The following DMD variants were observed in gnomAD, a reference collection of about 807,000 sequenced individuals.
The protein encoded by DMD is mutant dystrophin.
A neutral mutation model predicts 330.1 loss-of-function variants in DMD; 63 were observed. That is an observed-to-expected ratio of 0.19 (90% confidence interval 0.16 to 0.24). DMD has a LOEUF of 0.24. DMD is among the 10% of genes least tolerant of loss of function. DMD has a pLI of 1.00. For missense variants in DMD, 3,344 were observed against 2,684.1 expected (o/e 1.25, Z -5.43); for synonymous variants, 1,223 against 959.8 (o/e 1.27, Z -5.07).
At chrX:32,794,800 G>A (rs1188542910) in intron 7 of DMD, among the ~76,000 whole-genome samples, 2 of 111,669 alleles carry the variant, frequency 1.8e-5, no homozygotes, top group African/African-American at 3.3e-5. Context: ...TCTCAGATCT[G>A]ATAAATAAAT....
intron 55 of DMD, among the ~76,000 whole-genome samples, chrX:31,586,040 T>A (rs2076588650): frequency 9.0e-6 from 1 of 111,557 alleles, no homozygotes; most frequent in South Asian, 3.8e-4. Flanking sequence ...TCCTACCCTA[T>A]CTGTAACTGA....
intron 44 of DMD, among the ~76,000 whole-genome samples, chrX:32,124,223 G>A (rs983299603): frequency 4.5e-5 from 5 of 112,310 alleles, no homozygotes; most frequent in Non-Finnish European, 7.5e-5. Flanking sequence ...ATACCTCTAC[G>A]AAGTTGGCTT....
At chrX:32,135,555 T>C (rs1401206507) in intron 44 of DMD, among the ~76,000 whole-genome samples, 1 of 109,645 alleles carries the variant, frequency 9.1e-6, no homozygotes, top group East Asian at 2.9e-4. Flanking sequence ...ACACCATCTC[T>C]AAAAAAAAAT....
At chrX:31,231,274 T>A (rs1324802936) in intron 63 of DMD, among the ~76,000 whole-genome samples, 1 of 110,947 alleles carries the variant, frequency 9.0e-6, no homozygotes, top group Admixed American at 9.6e-5. Flanking sequence ...ACATATATTA[T>A]TTTAAATACA....
At chrX:32,538,309 T>C (rs2048179587) in intron 17 of DMD, among the ~76,000 whole-genome samples, 1 of 111,634 alleles carries the variant, frequency 9.0e-6, no homozygotes, top group Non-Finnish European at 1.9e-5. Context: ...GTGATTTGTT[T>C]TTGCCCCACC....
intron 63 of DMD, among the ~76,000 whole-genome samples, chrX:31,245,714 C>T: frequency 9.0e-6 from 1 of 111,215 alleles, no homozygotes; most frequent in Middle Eastern, 4.6e-3. Flanking sequence ...GTTGATGTTA[C>T]TACTGAAATT....
chrX:33,324,066 AT>A (rs1452985088), intron 1 of DMD, among the ~76,000 whole-genome samples: 1 of 111,449 alleles, frequency 9.0e-6, no homozygotes, highest in Non-Finnish European at 1.9e-5. Flanking sequence ...TCAGAAAAAA[AT>A]GATTATATAT....
intron 47 of DMD, among the ~76,000 whole-genome samples, chrX:31,892,808 T>C (rs1305307932): frequency 1.8e-5 from 2 of 112,235 alleles, no homozygotes. Flanking sequence ...CCAGTGTATA[T>C]ATAGTTTATC....
intron 20 of DMD, among the ~76,000 whole-genome samples, chrX:32,485,738 T>TTTTTTTTTTC: frequency 3.2e-5 from 2 of 62,206 alleles, no homozygotes; most frequent in Non-Finnish European, 5.6e-5. Flanking sequence ...CCACTGCTTT[T>TTTTTTTTTTC]TTTTTTTTTT....
intron 62 of DMD, among the ~76,000 whole-genome samples, chrX:31,299,478 C>T (rs777498346): frequency 5.4e-5 from 6 of 111,606 alleles, no homozygotes; most frequent in African/African-American, 1.6e-4. Context: ...ACTAATTGTT[C>T]GTTTAGAAAA....
chrX:31,858,941 C>A (rs2093657664), intron 48 of DMD, among the ~76,000 whole-genome samples: 1 of 111,844 alleles, frequency 8.9e-6, no homozygotes, highest in African/African-American at 3.2e-5. Flanking sequence ...TGGATAATCA[C>A]GCTTGTTTTT....
intron 1 of DMD, among the ~76,000 whole-genome samples, chrX:33,086,859 GT>G (rs1382129543): frequency 1.8e-5 from 2 of 109,253 alleles, no homozygotes; most frequent in Non-Finnish European, 3.8e-5. Flanking sequence ...AGGGGGTTTT[GT>G]TTGTCCAATA....
intron 2 of DMD, among the ~76,000 whole-genome samples, chrX:32,952,200 C>T (rs1248010098): frequency 9.2e-6 from 1 of 109,230 alleles, no homozygotes; most frequent in African/African-American, 3.3e-5. Context: ...GTGGCACAAT[C>T]GCGGTTCACT....
intron 52 of DMD, among the ~76,000 whole-genome samples, chrX:31,680,682 T>C (rs943422952): frequency 9.0e-6 from 1 of 111,077 alleles, no homozygotes; most frequent in African/African-American, 3.3e-5. Context: ...CTGGCCAACT[T>C]CTTTTAACAA....
chrX:32,206,835 C>T, intron 44 of DMD: 1 of 344,810 alleles, frequency 2.9e-6, no homozygotes, highest in Non-Finnish European at 5.3e-6. Context: ...AGAGTGAGAA[C>T]CTTCCCTACC....
intron 1 of DMD, among the ~76,000 whole-genome samples, chrX:33,067,660 G>A (rs1480734704): frequency 9.0e-6 from 1 of 110,912 alleles, no homozygotes; most frequent in Non-Finnish European, 1.9e-5. Context: ...GGCCAACATG[G>A]TGAAATCCCA....
At chrX:32,182,516 C>T (rs1376356442) in intron 44 of DMD, among the ~76,000 whole-genome samples, 1 of 111,290 alleles carries the variant, frequency 9.0e-6, no homozygotes, top group Non-Finnish European at 1.9e-5. Context: ...TAAGACTCTA[C>T]ATCCCCCTCC....
intron 1 of DMD, among the ~76,000 whole-genome samples, chrX:33,166,460 C>T (rs962861867): frequency 1.8e-5 from 2 of 111,121 alleles, no homozygotes; most frequent in African/African-American, 3.3e-5. Flanking sequence ...TTTCTACATA[C>T]GGATGAATTC....
intron 60 of DMD, among the ~76,000 whole-genome samples, chrX:31,379,959 T>C (rs1458652839): frequency 9.0e-6 from 1 of 111,533 alleles, no homozygotes; most frequent in Admixed American, 9.5e-5. Context: ...ATCTTCTCGG[T>C]TTAGTGGCTG....
Sources: allele counts gnomAD v4.1 joint callset (sites outside exome capture counted in the v4.1 genomes callset), GRCh38; gene constraint gnomAD v4.1.1; transcripts MANE v1.5; gene names NCBI Gene and HGNC (gene_info 2026-07-23, HGNC 2026-07-21).